XKR7: variants seen among roughly 807,000 people sequenced by gnomAD.
XKR7 encodes XK related 7.
In XKR7, 11 loss-of-function variants were observed where a neutral mutation model predicts 42.2. The observed-to-expected ratio is 0.26, with a 90% CI of 0.16 to 0.43. The LOEUF is 0.43. XKR7 is among the 20% of genes least tolerant of loss of function. XKR7 has a pLI of 1.00. For synonymous variants in XKR7, 346 were observed against 366.4 expected (o/e 0.94, Z 0.64); for missense variants, 710 against 802.2 (o/e 0.89, Z 1.39).
At chr20:31,992,573 A>G (rs1343438190) in intron 1 of XKR7, among the ~76,000 whole-genome samples, 1 of 152,116 alleles carries the variant, frequency 6.6e-6, no homozygotes, top group Non-Finnish European at 1.5e-5. Flanking sequence ...GGCACAGGAG[A>G]GTTGGACAGA....
chr20:31,982,964 G>A (rs543637508), intron 1 of XKR7, among the ~76,000 whole-genome samples: 3 of 152,344 alleles, frequency 2.0e-5, no homozygotes, highest in African/African-American at 7.2e-5. Flanking sequence ...CAGCCACCCT[G>A]TAAATGGGTA....
At chr20:31,976,978 A>G (rs1484887982) in intron 1 of XKR7, among the ~76,000 whole-genome samples, 2 of 152,184 alleles carry the variant, frequency 1.3e-5, no homozygotes, top group African/African-American at 4.8e-5. Flanking sequence ...AGTGAGGTCT[A>G]TGGTGGGTTC....
Position 32,001,769 on chromosome 20 carries a change from A to G in XKR7, c.*4312A>G, listed in dbSNP as rs1165640665. ...GATGTGGACTGAAAGCCAGGACCCA[A>G]GAGTCCCATTCTGTGCTGGCCCCTG... On this transcript the variant is annotated 3_prime_UTR_variant, in exon 3 of 3. Transcript: ENST00000562532. 4 of 152,254 alleles carry G rather than the reference A, an allele frequency of 2.6e-5. No homozygotes were observed. 9.4% of individuals were successfully genotyped at this position (152,254 alleles called of 1,614,324 possible). A position where few individuals can be genotyped will look rare whatever the true frequency, so the allele number is the denominator to read the frequency against.
intron 1 of XKR7, among the ~76,000 whole-genome samples, chr20:31,991,087 G>A (rs1020021019): frequency 3.3e-5 from 5 of 152,232 alleles, no homozygotes; most frequent in Non-Finnish European, 5.9e-5. Flanking sequence ...GCTGGCAGAG[G>A]AGGGGGCAGG....
intron 1 of XKR7, chr20:31,970,067 C>T (rs2064457429): frequency 1.3e-5 from 2 of 152,190 alleles, no homozygotes; most frequent in Non-Finnish European, 2.9e-5. Flanking sequence ...GTATATTCCA[C>T]TTAGCTTATC....
chr20:31,989,763 G>T (rs536305289), intron 1 of XKR7, among the ~76,000 whole-genome samples: 1 of 152,146 alleles, frequency 6.6e-6, no homozygotes, highest in South Asian at 2.1e-4. Context: ...ACAGGCACAC[G>T]CCACCACATC....
rs761250107 is a variant in XKR7, at chr20:31,968,625, C to A, written c.450C>A (p.Thr150=). ...AGGACAGCGCCGGCGCCTTCCGGAC[C>A]AAAGAAGGCAGCCCCGAGCCGGGTC... ...STKDSAGAFR[T]KEGSPEPGPQ... is the part of the protein sequence containing the mutation. Residue 150 remains threonine (T), a synonymous_variant, in exon 1 of 3, where the codon ACC becomes ACA. Transcript: ENST00000562532. The surrounding 1 kb of genome is among the most constrained non-coding windows in gnomAD (Gnocchi z 4.5). 20 of 1,598,280 alleles carry A rather than the reference C, an allele frequency of 1.3e-5. No homozygotes were observed. The South Asian group carries it at 2.1e-4, about 17-fold the overall frequency.
In XKR7 at chr20:31,997,304, C is replaced by G. The variant is rs953390273; in HGVS notation, c.1587C>G (p.Arg529=). ...CTGTCATCCGGATTGACTTGCCTCG[C>G]AAGAAGTACCCGGCCTGGGATGCTC... ...EGPVIRIDLP[R]KKYPAWDAHF... is the part of the protein sequence containing the mutation. The change falls in exon 3 of 3, where the codon CGC becomes CGG. Residue 529 remains arginine, a synonymous_variant. Transcript: ENST00000562532. 1 of 1,611,722 alleles carries G rather than the reference C, an allele frequency of 6.2e-7. No individual in the cohort carries two copies. Among genetic ancestry groups the G allele is most frequent in the East Asian group, 2.2e-5 (1 of 44,874 alleles).
chr20:31,981,558 G>A (rs2064513157), intron 1 of XKR7, among the ~76,000 whole-genome samples: 1 of 152,126 alleles, frequency 6.6e-6, no homozygotes, highest in Admixed American at 6.6e-5. Context: ...CAGGTGTGGT[G>A]GCATGTATCT....
intron 1 of XKR7, among the ~76,000 whole-genome samples, chr20:31,972,961 A>C (rs2064471119): frequency 6.6e-6 from 1 of 152,214 alleles, no homozygotes; most frequent in Non-Finnish European, 1.5e-5. Flanking sequence ...CTCTAGATTC[A>C]AGTGTCCTCA....
At chr20:31,976,394 A>T (rs975757774) in intron 1 of XKR7, among the ~76,000 whole-genome samples, 130 of 151,464 alleles carry the variant, frequency 8.6e-4, no homozygotes, top group African/African-American at 2.8e-3. Context: ...ATTTTTTTTT[A>T]TTTTTTTTGA....
rs1449703171 is a variant in XKR7, at chr20:31,997,252, T to C, written c.1535T>C (p.Val512Ala). The C allele has an allele frequency of 1.9e-6, 3 of 1,611,954 alleles. No individual in the cohort carries two copies. The highest frequency in any genetic ancestry group is 1.3e-5 in the African/African-American group (1 of 74,940). ...CGGCCTGGCTTGCCTCCCACACCAG[T>C]GGCCCGCACCTTGCGGACAGAGGGG... ...QVRPGLPPTP[V>A]ARTLRTEGPV... is the part of the protein sequence containing the mutation. The change falls in exon 3 of 3, where the codon GTG becomes GCG. Residue 512 changes from valine to alanine, a missense_variant. Physicochemically the swap from Val to Ala is moderately conservative, Grantham distance 64. Coordinates refer to ENST00000562532, the MANE Select transcript of XKR7 (RefSeq NM_001011718.2).
chr20:32,000,484 A>C lies in XKR7; in HGVS notation c.*3027A>C, dbSNP rs771583394. The C allele has an allele frequency of 6.6e-6, 1 of 152,246 alleles. No homozygotes were observed. Among genetic ancestry groups the C allele is most frequent in the Non-Finnish European group, 1.5e-5 (1 of 68,176 alleles). 9.4% of individuals were successfully genotyped at this position (152,246 alleles called of 1,614,324 possible). On this transcript the variant is annotated 3_prime_UTR_variant, in exon 3 of 3. Transcript: ENST00000562532. The stretch of plus-strand genomic sequence containing the variant: ...GCCACCTGCCCTCCACATCCATTAG[A>C]CAGGAGAAAGTGAGACCCAGAGAGG...
At chr20:31,974,768 TCTGTCCTACAG>T (rs1323195533) in intron 1 of XKR7, among the ~76,000 whole-genome samples, 1 of 152,206 alleles carries the variant, frequency 6.6e-6, no homozygotes, top group Non-Finnish European at 1.5e-5. Flanking sequence ...TTTTGAATAA[TCTGTCCTACAG>T]CTGACACTTG....
chr20:31,972,312 G>T (rs1419596968), intron 1 of XKR7, among the ~76,000 whole-genome samples: 2 of 152,194 alleles, frequency 1.3e-5, no homozygotes, highest in Non-Finnish European at 2.9e-5. Flanking sequence ...AGTGAGGAAA[G>T]GTGATCAGTC....
chr20:31,974,097 G>A (rs183287002), intron 1 of XKR7, among the ~76,000 whole-genome samples: 25 of 152,296 alleles, frequency 1.6e-4, no homozygotes, highest in African/African-American at 5.8e-4. Flanking sequence ...GGAGGCGGAG[G>A]CAGGAGAATC....
chr20:31,990,158 A>G (rs1391741830), intron 1 of XKR7, among the ~76,000 whole-genome samples: 1 of 151,114 alleles, frequency 6.6e-6, no homozygotes, highest in Admixed American at 6.6e-5. Flanking sequence ...TATAGTTTAT[A>G]AACTATTTTT....
intron 1 of XKR7, chr20:31,970,462 CA>C (rs2064459902): frequency 6.6e-6 from 1 of 152,218 alleles, no homozygotes; most frequent in Non-Finnish European, 1.5e-5. Context: ...AGGATCCCCT[CA>C]GCTCTATGGT....
chr20:31,990,180 G>A (rs1050456345), intron 1 of XKR7, among the ~76,000 whole-genome samples: 10 of 46,180 alleles, frequency 2.2e-4, no homozygotes, highest in Middle Eastern at 0.013. Context: ...AATTCATTGC[G>A]TGTGTGTGTG....
Sources: allele counts gnomAD v4.1 joint callset (sites outside exome capture counted in the v4.1 genomes callset), GRCh38; gene constraint gnomAD v4.1.1; non-coding constraint Gnocchi (gnomAD v3.1); transcripts MANE v1.5; gene names NCBI Gene and HGNC (gene_info 2026-07-23, HGNC 2026-07-21).